The following DNAH5 variants were observed in gnomAD, a reference collection of about 807,000 sequenced individuals.
DNAH5 encodes dynein axonemal heavy chain 5.
In DNAH5, 372 loss-of-function variants were observed where a neutral mutation model predicts 518.2. The observed-to-expected ratio is 0.72, with a 90% CI of 0.66 to 0.78. DNAH5 has a LOEUF of 0.78. Among genes scored for constraint, DNAH5 ranks in the 30% least tolerant of loss-of-function variants. DNAH5 has a pLI of 0.00. For synonymous variants in DNAH5, 2,039 were observed against 2,025.9 expected, an observed-to-expected ratio of 1.01 and a Z score of -0.17; for missense variants, 5,523 against 5,687.0, an observed-to-expected ratio of 0.97 and a Z score of 0.93.
Position 13,824,230 on chromosome 5 carries a change from C to T in DNAH5, c.6548G>A (p.Arg2183His), listed in dbSNP as rs749422941. 6.2e-6 allele frequency: 10 copies of T among 1,613,934 alleles called. No homozygotes were observed. Among genetic ancestry groups the T allele is most frequent in the East Asian group, 2.2e-5 (1 of 44,882 alleles). ...AGAAAGATTCATGTCCCGTAGTACA[C>T]GCATGACAATCGTGGACTCCGTATC... ...PMDTESTIVM[R>H]VLRDMNLSKL... Residue 2183 changes from arginine to histidine, a missense_variant, in exon 39 of 79, where the codon CGT (arginine) becomes CAT (histidine). Arg to His is a conservative substitution (Grantham distance 29, BLOSUM62 0). Around this residue, in one of 3 missense-constraint regions of DNAH5, gnomAD observed 5,121 missense variants for 5,223.3 expected, o/e 0.98. Coordinates refer to ENST00000265104, the MANE Select transcript of DNAH5 (RefSeq NM_001369.3).
At position 13,871,696 on chromosome 5, in the gene DNAH5, T is replaced by A; in HGVS notation, c.3466A>T (p.Ile1156Phe). 1.2e-6 allele frequency: 2 copies of A among 1,613,832 alleles called. No homozygotes were observed. The highest frequency in any genetic ancestry group is 3.3e-5 in the Admixed American group (2 of 59,940). The part of the protein sequence containing the change: ...HIWQKGKEEA[I>F]KTFITQSPLL... ...GGGCTCTGTGTAATAAATGTCTTAA[T>A]GGCTTCTTCTTTTCCCTTTTGCCAA... The change falls in exon 23 of 79, where the codon ATT becomes TTT. Residue 1156 changes from isoleucine (I) to phenylalanine (F), a missense_variant. Ile to Phe is a conservative substitution (Grantham distance 21). This residue lies in a region of DNAH5 where 5,121 missense variants were observed against 5,223.3 expected (regional missense o/e 0.98). Coordinates refer to ENST00000265104, the MANE Select transcript of DNAH5 (RefSeq NM_001369.3).
intron 65 of DNAH5, among the ~76,000 whole-genome samples, chr5:13,747,358 T>C (rs1031677617): frequency 2.0e-5 from 3 of 152,220 alleles, no homozygotes; most frequent in African/African-American, 7.2e-5. Context: ...TACGTGTGCA[T>C]GTATCTTTAT....
At chr5:13,962,185 TTA>T (rs1295192711) in intron 1 of DNAH5, among the ~76,000 whole-genome samples, 2 of 152,210 alleles carry the variant, frequency 1.3e-5, no homozygotes, top group Non-Finnish European at 2.9e-5. Context: ...GGTTTTGTTA[TTA>T]TGTTTTTTGT....
At chr5:13,702,402 C>T (rs1055365360) in intron 76 of DNAH5, among the ~76,000 whole-genome samples, 1 of 152,218 alleles carries the variant, frequency 6.6e-6, no homozygotes, top group Admixed American at 6.5e-5. Context: ...TCATTGTCTG[C>T]TATCTTTATA....
Position 13,721,202 on chromosome 5 carries a change from T to C in DNAH5, c.12077A>G (p.Glu4026Gly). The change falls in exon 71 of 79, where the codon GAA (glutamate) becomes GGA (glycine). Residue 4026 changes from glutamate (E) to glycine (G), a missense_variant. Physicochemically the swap from Glu to Gly is moderately conservative, Grantham distance 98. Transcript: ENST00000265104. ...CTTCTCCAAGTCTAAAATAACACCT[T>C]CGGCATATTTTTCTCCCATGGAGTC... ...IVDSMGEKYA[E>G]GVILDLEKTW... The C allele has an allele frequency of 6.2e-7, 1 of 1,614,134 alleles. No individual in the cohort carries two copies. The highest frequency in any genetic ancestry group is 8.5e-7 in the Non-Finnish European group (1 of 1,179,990).
At chr5:13,732,717 T>C (rs778439770) in intron 68 of DNAH5, among the ~76,000 whole-genome samples, 7 of 152,136 alleles carry the variant, frequency 4.6e-5, no homozygotes, top group Middle Eastern at 3.2e-3. Flanking sequence ...TCTGCCCCTA[T>C]GACCTAATCA....
chr5:13,862,674 T>C lies in DNAH5; in HGVS notation c.4670A>G (p.Asn1557Ser), dbSNP rs754751268. The change falls in exon 29 of 79, where the codon AAT (asparagine) becomes AGT (serine). Residue 1557 changes from asparagine (N) to serine (S), a missense_variant. Around this residue, in one of 3 missense-constraint regions of DNAH5, gnomAD observed 5,121 missense variants for 5,223.3 expected, o/e 0.98. Transcript: ENST00000265104. ...KLKQVINEWD[N>S]KTFTFGSFKT... is the part of the protein sequence containing the mutation. ...AAAGCTGCCGAAGGTGAATGTTTTATTGTCCCATTCATTAATCACTTGCTT... is the reference window on the plus strand; with the variant it reads ...AAAGCTGCCGAAGGTGAATGTTTTACTGTCCCATTCATTAATCACTTGCTT... 1.2e-6 allele frequency: 2 copies of C among 1,613,868 alleles called. No homozygotes were observed. Among genetic ancestry groups the C allele is most frequent in the African/African-American group, 1.3e-5 (1 of 74,896 alleles).
intron 77 of DNAH5, 52 bp downstream of exon 77, chr5:13,701,232 T>A: frequency 1.2e-6 from 2 of 1,611,632 alleles, no homozygotes; most frequent in Non-Finnish European, 1.7e-6. Flanking sequence ...TGATGGAAAA[T>A]CCTGTGGAGG....
At position 13,768,970 on chromosome 5, in the gene DNAH5, G is replaced by A; in HGVS notation, c.9887C>T (p.Ala3296Val). The stretch of plus-strand genomic sequence containing the variant: ...ATCACATAGATGCACCTGCAATGCA[G>A]CTTCTGCCTCTTCTAAAGCTGGTTT... ...AAKPALEEAEAALQTIRPSDI... is the reference protein window; with the variant it reads ...AAKPALEEAEVALQTIRPSDI... The change falls in exon 58 of 79, where the codon GCT (alanine) becomes GTT (valine). Residue 3296 changes from alanine to valine, a missense_variant. By Grantham distance (64) the Ala-to-Val change is moderately conservative. Coordinates refer to ENST00000265104, the MANE Select transcript of DNAH5 (RefSeq NM_001369.3). 6.2e-7 allele frequency: 1 copy of A among 1,614,134 alleles called. No homozygotes were observed. The highest frequency in any genetic ancestry group is 1.3e-5 in the African/African-American group (1 of 75,050).
intron 52 of DNAH5, among the ~76,000 whole-genome samples, chr5:13,782,376 G>A (rs1033231107): frequency 6.6e-6 from 1 of 152,304 alleles, no homozygotes; most frequent in Non-Finnish European, 1.5e-5. Context: ...TGGGGAAAAG[G>A]AGAACATATT....
intron 40 of DNAH5, among the ~76,000 whole-genome samples, 172 bp downstream of exon 40, chr5:13,823,091 G>A (rs958752384): frequency 1.3e-5 from 2 of 152,202 alleles, no homozygotes; most frequent in Non-Finnish European, 2.9e-5. Flanking sequence ...CAGGGCAAGG[G>A]GAGTTTGACT....
intron 38 of DNAH5, among the ~76,000 whole-genome samples, chr5:13,825,059 G>T (rs1762717321): frequency 1.3e-5 from 2 of 152,270 alleles, no homozygotes; most frequent in East Asian, 1.9e-4. Flanking sequence ...TTGAAAGAAT[G>T]TGCCAGGCAC....
chr5:13,942,322 G>T (rs1393350924), intron 1 of DNAH5, among the ~76,000 whole-genome samples: 2 of 152,092 alleles, frequency 1.3e-5, no homozygotes, highest in South Asian at 2.1e-4. Context: ...CCTTAGCGTG[G>T]AACTTAGTTA....
chr5:13,833,496 G>GAATAATAAT (rs57261803), intron 35 of DNAH5, among the ~76,000 whole-genome samples: 2 of 149,592 alleles, frequency 1.3e-5, no homozygotes, highest in African/African-American at 5.0e-5. Flanking sequence ...GTGATAGCAA[G>GAATAATAAT]AATAATAATA....
chr5:13,900,273 A>G lies in DNAH5; in HGVS notation c.2192T>C (p.Val731Ala). 6.2e-7 allele frequency: 1 copy of G among 1,614,112 alleles called. No homozygotes were observed. Among genetic ancestry groups the G allele is most frequent in the Non-Finnish European group, 8.5e-7 (1 of 1,179,990 alleles). ...GAAGAGGGAAGTTGCCAGTGGAGAG[A>G]CTTCCAGACCCATCTGGGCCATGCA... ...TECMAQMGLE[V>A]SPLATSLFQK... The change falls in exon 15 of 79, where the codon GTC becomes GCC. Residue 731 changes from valine to alanine, a missense_variant. Val to Ala is a moderately conservative substitution (Grantham distance 64). Coordinates refer to ENST00000265104, the MANE Select transcript of DNAH5 (RefSeq NM_001369.3).
chr5:13,707,753 C>T lies in DNAH5; in HGVS notation c.13338+370G>A, dbSNP rs974078306. Among the ~76,000 whole-genome samples the T allele has an allele frequency of 2.0e-5, 3 of 152,020 alleles. No homozygotes were observed. The highest frequency in any genetic ancestry group is 7.2e-5 in the African/African-American group (3 of 41,408). On this transcript the variant is annotated intron_variant, in intron 76 of 78. Transcript: ENST00000265104. This position sits in a 1 kb window ranked among gnomAD's most constrained non-coding sequence, Gnocchi z 4.0. ...GGCATGTTTCCTTCTATGAAACCAA[C>T]ATCATGGACTTTGGAGTCCAGGAGC...
intron 1 of DNAH5, among the ~76,000 whole-genome samples, chr5:13,936,957 G>A (rs541595614): frequency 1.3e-5 from 2 of 152,192 alleles, no homozygotes; most frequent in African/African-American, 4.8e-5. Context: ...TGCATTGTTT[G>A]CCCTGGTTGC....
In DNAH5 at chr5:13,817,564, T is replaced by C. The variant is rs563452863; in HGVS notation, c.6972A>G (p.Thr2324=). 2 of 1,614,202 alleles carry C rather than the reference T, an allele frequency of 1.2e-6. No individual in the cohort carries two copies. The highest frequency in any genetic ancestry group is 2.2e-5 in the South Asian group (2 of 91,084). ...DGIFSTLWRK[T]LRAKKGEHIW... is the part of the protein sequence containing the mutation. ...ATCTTCTACCTTTCTTTGCTCTTAA[T>C]GTTTTCCTCCAAAGCGTAGAAAATA... The change falls in exon 42 of 79, where the codon ACA becomes ACG. Residue 2324 remains threonine, a synonymous_variant. Coordinates refer to ENST00000265104, the MANE Select transcript of DNAH5 (RefSeq NM_001369.3).
chr5:13,899,402 C>T (rs1174907914), intron 15 of DNAH5: 1 of 152,328 alleles, frequency 6.6e-6, no homozygotes. Context: ...GAGATCTCAT[C>T]CAGGACAATG....
Sources: gnomAD v4.1 joint callset for allele counts (sites outside exome capture counted in the v4.1 genomes callset) on GRCh38, gnomAD v4.1.1 for gene constraint, gnomAD v4.1.1 regional missense constraint, Gnocchi (gnomAD v3.1) non-coding constraint, MANE v1.5 for transcripts, NCBI Gene and HGNC (gene_info 2026-07-23, HGNC 2026-07-21) for gene names.